Variants in COX16 observed in about 807,000 individuals in gnomAD.
COX16 encodes cytochrome c oxidase assembly protein COX16 homolog, mitochondrial.
COX16 carries 12 observed loss-of-function variants against 15.4 expected under a neutral mutation model. The ratio of observed to expected loss-of-function variants is 0.78; its 90% confidence interval spans 0.50 to 1.26. The LOEUF (loss-of-function observed/expected upper bound fraction) is 1.26, where lower values mean the gene tolerates loss of function less well. Among genes scored for constraint, COX16 ranks in the 50% most tolerant of loss-of-function variants. COX16 has a pLI of 0.00. For synonymous variants in COX16, 46 were observed against 41.1 expected (o/e 1.12, Z -0.46); for missense variants, 124 against 127.6 (o/e 0.97, Z 0.14).
chr14:70,353,130 A>G (rs1887011668), intron 1 of COX16, among the ~76,000 whole-genome samples: 1 of 151,680 alleles, frequency 6.6e-6, no homozygotes, highest in African/African-American at 2.4e-5. Context: ...GTGTGGTGGC[A>G]CGCACCTGTA....
intron 2 of COX16, among the ~76,000 whole-genome samples, chr14:70,330,898 GA>G (rs1886264849): frequency 6.6e-6 from 1 of 152,110 alleles, no homozygotes; most frequent in Admixed American, 6.6e-5. Context: ...ACCCAAATAT[GA>G]AAGGCAAAAA....
chr14:70,336,264 AAAAAACAAAAAC>A (rs146218837), intron 2 of COX16, among the ~76,000 whole-genome samples: 12 of 150,844 alleles, frequency 8.0e-5, no homozygotes, highest in Non-Finnish European at 1.6e-4. Context: ...TCAAAAAAAC[AAAAAACAAAAAC>A]AAAAACAAAA....
At chr14:70,351,872 A>G (rs1321868857) in intron 1 of COX16, among the ~76,000 whole-genome samples, 1 of 152,172 alleles carries the variant, frequency 6.6e-6, no homozygotes, top group African/African-American at 2.4e-5. Flanking sequence ...TTAATCATTT[A>G]ATTGGTAATA....
chr14:70,337,586 A>G (rs2140705737), intron 2 of COX16, among the ~76,000 whole-genome samples: 1 of 152,220 alleles, frequency 6.6e-6, no homozygotes, highest in Admixed American at 6.5e-5. Context: ...GCATGTTTAA[A>G]GATAGAATCA....
At chr14:70,337,388 C>G (rs910521564) in intron 2 of COX16, among the ~76,000 whole-genome samples, 1 of 151,972 alleles carries the variant, frequency 6.6e-6, no homozygotes, top group Non-Finnish European at 1.5e-5. Context: ...AGAGGATAGC[C>G]TAAGTCTTAA....
At chr14:70,329,367 C>G (rs1476630896) in intron 2 of COX16, 131 bp from the exon 3 acceptor site, 1 of 616,040 alleles carries the variant, frequency 1.6e-6, no homozygotes, top group African/African-American at 1.9e-5. Flanking sequence ...TCTCCACCAT[C>G]TACTCTGATC....
intron 2 of COX16, among the ~76,000 whole-genome samples, chr14:70,331,958 G>A (rs1296808728): frequency 1.3e-5 from 2 of 152,196 alleles, no homozygotes; most frequent in Non-Finnish European, 2.9e-5. Context: ...CCCTGATGGA[G>A]CCAAAGACCT....
At chr14:70,331,519 T>TA (rs1005530924) in intron 2 of COX16, among the ~76,000 whole-genome samples, 25 of 151,944 alleles carry the variant, frequency 1.6e-4, no homozygotes, top group African/African-American at 5.8e-4. Context: ...CCAACAGACA[T>TA]ATAAAAAGTG....
intron 2 of COX16, among the ~76,000 whole-genome samples, chr14:70,336,855 A>G: frequency 6.6e-6 from 1 of 152,240 alleles, no homozygotes; most frequent in Non-Finnish European, 1.5e-5. Flanking sequence ...AAATTTATCC[A>G]ATAATCTAAA....
intron 3 of COX16, among the ~76,000 whole-genome samples, chr14:70,326,677 A>G (rs955358354): frequency 6.6e-6 from 1 of 152,226 alleles, no homozygotes; most frequent in Admixed American, 6.5e-5. Context: ...CTTAACCGTA[A>G]AACTATTAAA....
At chr14:70,332,189 A>G (rs2140687067) in intron 2 of COX16, among the ~76,000 whole-genome samples, 1 of 152,352 alleles carries the variant, frequency 6.6e-6, no homozygotes. Context: ...TGGTCTTGAC[A>G]GTGAGCCTGA....
At chr14:70,346,052 T>G (rs1886769545) in intron 1 of COX16, among the ~76,000 whole-genome samples, 1 of 152,066 alleles carries the variant, frequency 6.6e-6, no homozygotes, top group Non-Finnish European at 1.5e-5. Context: ...CTCCTAAAGC[T>G]TGTAAACTCA....
intron 1 of COX16, among the ~76,000 whole-genome samples, chr14:70,347,771 A>T (rs1886826673): frequency 6.6e-6 from 1 of 152,138 alleles, no homozygotes; most frequent in African/African-American, 2.4e-5. Flanking sequence ...CCGAGGGCTC[A>T]CAACCGACCA....
At chr14:70,327,055 G>A (rs2140669262) in intron 3 of COX16, among the ~76,000 whole-genome samples, 1 of 152,236 alleles carries the variant, frequency 6.6e-6, no homozygotes, top group East Asian at 1.9e-4. Context: ...TAAAAGGGAA[G>A]AAATAAATGT....
chr14:70,341,325 T>G (rs778887463), intron 2 of COX16, among the ~76,000 whole-genome samples: 1 of 152,202 alleles, frequency 6.6e-6, no homozygotes, highest in African/African-American at 2.4e-5. Flanking sequence ...TCCTTAAAAC[T>G]AGCTGATGTT....
intron 3 of COX16, among the ~76,000 whole-genome samples, chr14:70,328,909 G>A (rs1008580739): frequency 6.6e-6 from 1 of 151,432 alleles, no homozygotes; most frequent in Non-Finnish European, 1.5e-5. Context: ...TTTGACTCAA[G>A]ACAACAAACA....
At chr14:70,327,154 G>GATA (rs1886106581) in intron 3 of COX16, among the ~76,000 whole-genome samples, 1 of 151,664 alleles carries the variant, frequency 6.6e-6, no homozygotes, top group African/African-American at 2.4e-5. Context: ...TGAGTAAGAT[G>GATA]GAAAAAAAAA....
At chr14:70,356,557 G>A (rs1008609748) in intron 1 of COX16, among the ~76,000 whole-genome samples, 2 of 152,154 alleles carry the variant, frequency 1.3e-5, no homozygotes, top group Non-Finnish European at 2.9e-5. Context: ...TGCTAACACA[G>A]AGATAAATCA....
At chr14:70,327,898 C>T (rs1886132685) in intron 3 of COX16, among the ~76,000 whole-genome samples, 1 of 151,878 alleles carries the variant, frequency 6.6e-6, no homozygotes, top group Non-Finnish European at 1.5e-5. Context: ...CTGGTATAGG[C>T]CTGAGTGTGG....
Sources: allele counts gnomAD v4.1 joint callset (sites outside exome capture counted in the v4.1 genomes callset), GRCh38; gene constraint gnomAD v4.1.1; transcripts MANE v1.5; gene names NCBI Gene and HGNC (gene_info 2026-07-23, HGNC 2026-07-21).